The following STK33 variants were observed in gnomAD, a reference collection of about 807,000 sequenced individuals.
STK33 encodes the protein serine/threonine kinase 33, also known as serine/threonine-protein kinase 33.
STK33 carries 52 observed loss-of-function variants against 58.0 expected under a neutral mutation model. The ratio of observed to expected loss-of-function variants is 0.90; its 90% CI spans 0.72 to 1.13. The LOEUF (loss-of-function observed/expected upper bound fraction) is 1.13. STK33 is among the 50% of genes most tolerant of loss of function. The probability of loss-of-function intolerance (pLI) is 0.00; values close to 1 mark genes in which losing one functional copy is unlikely to be tolerated. For synonymous variants in STK33, 215 were observed against 200.1 expected (o/e 1.07, Z -0.63); for missense variants, 630 against 604.2 (o/e 1.04, Z -0.45).
chr11:8,527,455 T>C (rs1954145358), intron 1 of STK33, among the ~76,000 whole-genome samples: 2 of 152,188 alleles, frequency 1.3e-5, no homozygotes, highest in East Asian at 1.9e-4. Context: ...TTTGCTGTTA[T>C]GTTTCACAAG....
chr11:8,445,016 C>G lies in STK33; in HGVS notation c.872-4263G>C, dbSNP rs564225755. On this transcript the variant is annotated intron_variant, in intron 11 of 15. Transcript: ENST00000687296. ...TTTTCATGATATTGATTCTTCCTATCCATGAGCATGGAATGTTTTCCATTT... is the reference window on the plus strand; with the variant it reads ...TTTTCATGATATTGATTCTTCCTATGCATGAGCATGGAATGTTTTCCATTT... 5.1e-4 allele frequency among the ~76,000 whole-genome samples: 78 copies of G among 152,314 alleles called. 1 individual carries two copies. The highest frequency in any genetic ancestry group is 1.8e-3 in the African/African-American group (74 of 41,568).
chr11:8,382,107 C>T, the STK33 span, among the ~76,000 whole-genome samples: 6 of 152,222 alleles, frequency 3.9e-5, no homozygotes, highest in Admixed American at 6.5e-5. Context: ...ACCCTTGCCA[C>T]CCACATCCAC....
At chr11:8,491,250 T>C (rs1053100213) in intron 1 of STK33, among the ~76,000 whole-genome samples, 1 of 152,160 alleles carries the variant, frequency 6.6e-6, no homozygotes, top group Non-Finnish European at 1.5e-5. Context: ...AGAACTTAAA[T>C]GACCTGATGG....
At chr11:8,506,483 T>C (rs1565217193) in intron 1 of STK33, among the ~76,000 whole-genome samples, 1 of 152,164 alleles carries the variant, frequency 6.6e-6, no homozygotes, top group East Asian at 1.9e-4. Context: ...AATCAAGGTG[T>C]CAGCGGGGCT....
At chr11:8,477,960 A>C (rs1240487116) in intron 2 of STK33, among the ~76,000 whole-genome samples, 1 of 152,178 alleles carries the variant, frequency 6.6e-6, no homozygotes, top group African/African-American at 2.4e-5. Context: ...TACCACAGCA[A>C]TTCTAAAACA....
intron 1 of STK33, among the ~76,000 whole-genome samples, chr11:8,537,392 C>G (rs564133938): frequency 6.6e-6 from 1 of 151,968 alleles, no homozygotes; most frequent in Non-Finnish European, 1.5e-5. Flanking sequence ...GCCTGGCCCC[C>G]GCCTTTTTTA....
chr11:8,395,220 G>A (rs1849129701), intron 15 of STK33, among the ~76,000 whole-genome samples: 1 of 152,164 alleles, frequency 6.6e-6, no homozygotes, highest in Non-Finnish European at 1.5e-5. Context: ...TCCGTGTTGT[G>A]GGAGGGACCC....
chr11:8,593,989 C>T (rs2033034298), intron 1 of STK33, 94 bp downstream of exon 1: 1 of 152,278 alleles, frequency 6.6e-6, no homozygotes, highest in Non-Finnish European at 1.5e-5. Context: ...TTTTCCACCG[C>T]GTTGCCATAG....
intron 1 of STK33, among the ~76,000 whole-genome samples, chr11:8,568,689 C>T (rs1957605557): frequency 6.6e-6 from 1 of 152,114 alleles, no homozygotes; most frequent in Non-Finnish European, 1.5e-5. Context: ...AACTGTGGCC[C>T]TGAACATTTC....
chr11:8,368,723 G>GT, the STK33 span, among the ~76,000 whole-genome samples: 2 of 152,236 alleles, frequency 1.3e-5, no homozygotes, highest in African/African-American at 4.8e-5. Context: ...CCCCAGTCTG[G>GT]TTAGCCTTGT....
chr11:8,412,888 T>A (rs1326910051), intron 15 of STK33, among the ~76,000 whole-genome samples: 1 of 152,172 alleles, frequency 6.6e-6, no homozygotes, highest in Non-Finnish European at 1.5e-5. Context: ...CTAATCAAAA[T>A]GTTATTCAAT....
At chr11:8,562,884 T>C (rs530951222) in intron 1 of STK33, among the ~76,000 whole-genome samples, 2 of 152,264 alleles carry the variant, frequency 1.3e-5, no homozygotes, top group Admixed American at 6.5e-5. Context: ...GCTTACATTA[T>C]AGTGGGGAAA....
At chr11:8,479,607 C>T (rs1949618905) in intron 2 of STK33, among the ~76,000 whole-genome samples, 2 of 151,988 alleles carry the variant, frequency 1.3e-5, no homozygotes, top group South Asian at 2.1e-4. Flanking sequence ...CTTTGGGAGG[C>T]GGAGGCAGGC....
chr11:8,467,044 G>A (rs1305346707), intron 6 of STK33: 1 of 152,226 alleles, frequency 6.6e-6, no homozygotes, highest in Non-Finnish European at 1.5e-5. Context: ...TGAGAATCCT[G>A]GGCCCAGCCC....
Position 8,440,713 on chromosome 11 carries a change from A to G in STK33, c.912T>C (p.Cys304=), listed in dbSNP as rs1944632911. Residue 304 remains cysteine, a synonymous_variant, in exon 12 of 16, where the codon TGT becomes TGC. Coordinates refer to ENST00000687296, the MANE Select transcript of STK33 (RefSeq NM_001352389.2). ...VISAHDYSQQ[C]DIWSIGVVMY... is the part of the protein sequence containing the mutation. The stretch of plus-strand genomic sequence containing the variant: ...TTACGACGCCTATGCTCCAAATGTC[A>G]CACTGCTGGCTATAGTCGTGGGCAC... 1 of 1,571,696 alleles carries G rather than the reference A, an allele frequency of 6.4e-7. No homozygotes were observed. Among genetic ancestry groups the G allele is most frequent in the Non-Finnish European group, 8.6e-7 (1 of 1,156,288 alleles).
chr11:8,496,559 T>C (rs1312767324), intron 1 of STK33, among the ~76,000 whole-genome samples: 1 of 151,992 alleles, frequency 6.6e-6, no homozygotes. Flanking sequence ...TTTTTTAAAA[T>C]AAGCCTGTGT....
chr11:8,400,912 G>C (rs1302032643), intron 15 of STK33, among the ~76,000 whole-genome samples: 10 of 152,096 alleles, frequency 6.6e-5, no homozygotes, highest in Admixed American at 6.5e-4. Context: ...AACTTACAAG[G>C]GATGTGAAGG....
At chr11:8,565,302 A>T (rs538177414) in intron 1 of STK33, among the ~76,000 whole-genome samples, 2 of 152,262 alleles carry the variant, frequency 1.3e-5, no homozygotes, top group South Asian at 4.1e-4. Flanking sequence ...ACCAACCCCC[A>T]TCTCCCTGGA....
chr11:8,517,117 C>T (rs984456717), intron 1 of STK33, among the ~76,000 whole-genome samples: 6 of 152,172 alleles, frequency 3.9e-5, no homozygotes, highest in African/African-American at 1.4e-4. Context: ...CAGCCGGGTG[C>T]CCCTCTGAGA....
Sources: gnomAD v4.1 joint callset for allele counts (sites outside exome capture counted in the v4.1 genomes callset) on GRCh38, gnomAD v4.1.1 for gene constraint, MANE v1.5 for transcripts, NCBI Gene and HGNC (gene_info 2026-07-23, HGNC 2026-07-21) for gene names.